The following PTPN14 variants were observed in gnomAD, a reference collection of about 807,000 sequenced individuals.
PTPN14 encodes the protein tyrosine-protein phosphatase non-receptor type 14.
Under a neutral mutation model 126.8 loss-of-function variants are expected in PTPN14, and 53 were observed. The ratio of observed to expected loss-of-function variants is 0.42; its 90% CI spans 0.34 to 0.53. The LOEUF is 0.53. Among genes scored for constraint, PTPN14 ranks in the 20% least tolerant of loss-of-function variants. The pLI is 0.08. For missense variants in PTPN14, 1,257 were observed against 1,552.9 expected (o/e 0.81, Z 3.20); for synonymous variants, 630 against 599.3 (o/e 1.05, Z -0.75).
chr1:214,462,421 C>T lies in PTPN14; in HGVS notation c.174+2209G>A, dbSNP rs73075965. 7.8e-3 allele frequency among the ~76,000 whole-genome samples: 1,184 copies of T among 152,298 alleles called. 11 individuals carry two copies. The highest frequency in any genetic ancestry group is 0.028 in the African/African-American group (1,143 of 41,542). ...TTGACCTGGTGATTCAGAGGGATGC[C>T]TTCTCAGCCCCCAAAATGTTGGCTG... is the stretch of plus-strand genomic sequence containing the variant. On this transcript the variant is annotated intron_variant, in intron 2 of 18. Transcript: ENST00000366956.
intron 1 of PTPN14, chr1:214,529,139 C>A (rs1309255973): frequency 6.6e-6 from 1 of 151,802 alleles, no homozygotes; most frequent in Non-Finnish European, 1.5e-5. Context: ...TTCATCTCTA[C>A]CAAAAAATAA....
chr1:214,426,032 CAAAAAAAAAAAAAA>C (rs66656875), intron 3 of PTPN14, among the ~76,000 whole-genome samples: 3 of 33,850 alleles, frequency 8.9e-5, no homozygotes, highest in Admixed American at 1.1e-3. Context: ...GCATAAATCG[CAAAAAAAAAAAAAA>C]AAAAAAAAAA....
intron 2 of PTPN14, among the ~76,000 whole-genome samples, chr1:214,456,212 T>A (rs534683757): frequency 6.6e-6 from 1 of 152,324 alleles, no homozygotes; most frequent in East Asian, 1.9e-4. Flanking sequence ...GAGTTACTCA[T>A]CCAGAAGCAA....
At chr1:214,499,932 C>A in intron 1 of PTPN14, among the ~76,000 whole-genome samples, 1 of 151,816 alleles carries the variant, frequency 6.6e-6, no homozygotes, top group East Asian at 2.0e-4. Flanking sequence ...CACTTCTGTG[C>A]CAGCAGGCTT....
rs546236645 is a variant in PTPN14 at position 214,427,232 on chromosome 1, C to T, written c.345-12506G>A. The stretch of plus-strand genomic sequence containing the variant: ...GTTGGAGTTTGCAGTGAGCCGAGAT[C>T]GTGCCACTGCACTCCAGCTTGGCGA... On this transcript the variant is annotated intron_variant, in intron 3 of 18. Coordinates refer to ENST00000366956, the MANE Select transcript of PTPN14 (RefSeq NM_005401.5). 2.1e-4 allele frequency among the ~76,000 whole-genome samples: 27 copies of T among 129,236 alleles called. No individual in the cohort carries two copies. The Admixed American group carries it at 2.3e-3, about 11-fold the overall frequency. 84.8% of individuals were successfully genotyped at this position (129,236 alleles called of 152,430 possible).
chr1:214,372,210 T>C (rs1658234446), intron 16 of PTPN14: 2 of 156,820 alleles, frequency 1.3e-5, no homozygotes, highest in Admixed American at 1.2e-4. Context: ...AAAGATATTT[T>C]TTCTTCCCCC....
At chr1:214,394,101 A>C (rs1658821663) in intron 9 of PTPN14, among the ~76,000 whole-genome samples, 2 of 152,256 alleles carry the variant, frequency 1.3e-5, no homozygotes, top group African/African-American at 4.8e-5. Flanking sequence ...GGCACAGCAT[A>C]GAATAAACAC....
At chr1:214,471,313 G>A (rs1438561357) in intron 1 of PTPN14, among the ~76,000 whole-genome samples, 2 of 151,998 alleles carry the variant, frequency 1.3e-5, no homozygotes, top group African/African-American at 4.8e-5. Flanking sequence ...TTACTATTAG[G>A]GATAGGAACA....
chr1:214,491,073 AAG>A (rs200503700), intron 1 of PTPN14, among the ~76,000 whole-genome samples: 1 of 149,652 alleles, frequency 6.7e-6, no homozygotes, highest in Non-Finnish European at 1.5e-5. Flanking sequence ...GAAAGAAAGA[AAG>A]AGAAAGAAAG....
At chr1:214,429,828 G>A (rs985202807) in intron 3 of PTPN14, among the ~76,000 whole-genome samples, 1 of 152,232 alleles carries the variant, frequency 6.6e-6, no homozygotes, top group East Asian at 1.9e-4. Context: ...AGTACTAAAG[G>A]TAGATACATT....
At chr1:214,361,536 A>T (rs932556510) in intron 18 of PTPN14, among the ~76,000 whole-genome samples, 14 of 152,222 alleles carry the variant, frequency 9.2e-5, no homozygotes, top group African/African-American at 2.9e-4. Flanking sequence ...AAGCCAAGGA[A>T]GCACAAAGCA....
chr1:214,375,004 T>C (rs1042979836), intron 15 of PTPN14, among the ~76,000 whole-genome samples: 1 of 152,216 alleles, frequency 6.6e-6, no homozygotes, highest in African/African-American at 2.4e-5. Context: ...AACCCACCAC[T>C]GACAGTTTAT....
rs1659026149 is a variant in PTPN14, at chr1:214,401,828, C to G, written c.582-56G>C. On this transcript the variant is annotated intron_variant, in intron 6 of 18. Coordinates refer to ENST00000366956, the MANE Select transcript of PTPN14 (RefSeq NM_005401.5). ...TGGTTAAGGGCAGCCAGTGGAAGAT[C>G]CCACTCTCCTGATGGCAAATTCCAG... 3.6e-6 allele frequency: 5 copies of G among 1,386,642 alleles called. No individual in the cohort carries two copies. In the East Asian group the frequency reaches 6.9e-5, roughly 19 times the overall value. The allele number at this position is 1,386,642 out of a possible 1,614,324, so 85.9% of individuals were successfully genotyped here.
intron 1 of PTPN14, among the ~76,000 whole-genome samples, chr1:214,475,834 C>CA (rs1257218953): frequency 1.3e-5 from 2 of 152,172 alleles, no homozygotes; most frequent in Non-Finnish European, 2.9e-5. Context: ...CACGATCACT[C>CA]AGTGACTAAA....
intron 1 of PTPN14, among the ~76,000 whole-genome samples, chr1:214,509,854 T>C (rs1024644230): frequency 6.6e-6 from 1 of 152,170 alleles, no homozygotes; most frequent in Non-Finnish European, 1.5e-5. Context: ...TGGATGAAGC[T>C]GGAAACTATC....
intron 3 of PTPN14, among the ~76,000 whole-genome samples, chr1:214,434,665 A>C (rs750431620): frequency 2.0e-4 from 31 of 152,244 alleles, no homozygotes; most frequent in Non-Finnish European, 4.3e-4. Flanking sequence ...TGAGAAGCAG[A>C]TATTAAAGAT....
Position 214,384,183 on chromosome 1 carries a change from T to C in PTPN14, c.1672A>G (p.Met558Val). 6.2e-7 allele frequency: 1 copy of C among 1,605,152 alleles called. No individual in the cohort carries two copies. The highest frequency in any genetic ancestry group is 8.5e-7 in the Non-Finnish European group (1 of 1,176,556). Residue 558 changes from methionine (M) to valine (V), a missense_variant, in exon 13 of 19, where the codon ATG (methionine) becomes GTG (valine). Physicochemically the swap from Met to Val is conservative, Grantham distance 21 (BLOSUM62 1). Coordinates refer to ENST00000366956, the MANE Select transcript of PTPN14 (RefSeq NM_005401.5). The surrounding 1 kb of genome is among the most constrained non-coding windows in gnomAD (Gnocchi z 5.3). Reference protein sequence around the residue: ...QGSHNYSTAHMLKNYLFRPPP... With the variant: ...QGSHNYSTAHVLKNYLFRPPP... ...GGCCTGAAGAGATAGTTCTTAAGCA[T>C]GTGGGCCGTGCTGTAGTTATGGCTG...
chr1:214,496,627 C>T (rs1471447076), intron 1 of PTPN14, among the ~76,000 whole-genome samples: 1 of 152,196 alleles, frequency 6.6e-6, no homozygotes, highest in Admixed American at 6.5e-5. Flanking sequence ...TTTTTAAACA[C>T]TCCTTACCCC....
chr1:214,365,547 T>C (rs934327182), intron 17 of PTPN14, among the ~76,000 whole-genome samples: 4 of 152,186 alleles, frequency 2.6e-5, no homozygotes, highest in Non-Finnish European at 5.9e-5. Flanking sequence ...GGTTTAAAGG[T>C]TCTTGATACT....
Sources: allele counts gnomAD v4.1 joint callset (sites outside exome capture counted in the v4.1 genomes callset), GRCh38; gene constraint gnomAD v4.1.1; non-coding constraint Gnocchi (gnomAD v3.1); transcripts MANE v1.5; gene names NCBI Gene and HGNC (gene_info 2026-07-23, HGNC 2026-07-21).